Variants in CCDC15 observed in about 807,000 individuals in gnomAD.
CCDC15 encodes coiled-coil domain containing 15.
In CCDC15, 105 loss-of-function variants were observed where a neutral mutation model predicts 114.5. The ratio of observed to expected loss-of-function variants is 0.92; its 90% CI spans 0.78 to 1.08. The LOEUF (loss-of-function observed/expected upper bound fraction) is 1.08, where lower values mean the gene tolerates loss of function less well. Among genes scored for constraint, CCDC15 ranks in the 50% least tolerant of loss-of-function variants. The pLI is 0.00. For synonymous variants in CCDC15, 334 were observed against 377.8 expected, an observed-to-expected ratio of 0.88 and a Z score of 1.34; for missense variants, 1,105 against 1,093.6, an observed-to-expected ratio of 1.01 and a Z score of -0.15.
intron 11 of CCDC15, among the ~76,000 whole-genome samples, chr11:124,997,245 T>C (rs879776272): frequency 6.6e-6 from 1 of 151,974 alleles, no homozygotes; most frequent in Admixed American, 6.6e-5. Flanking sequence ...TGGATAGAGG[T>C]GAAGAATTTT....
At chr11:125,013,039 C>T (rs1948605321) in intron 13 of CCDC15, among the ~76,000 whole-genome samples, 1 of 152,018 alleles carries the variant, frequency 6.6e-6, no homozygotes, top group Non-Finnish European at 1.5e-5. Flanking sequence ...ATGTAAAGTA[C>T]TTAACATTGT....
intron 13 of CCDC15, among the ~76,000 whole-genome samples, chr11:125,007,065 A>T (rs1487903555): frequency 1.3e-5 from 2 of 152,228 alleles, no homozygotes; most frequent in Non-Finnish European, 2.9e-5. Context: ...GATACCTGTC[A>T]TCTCAAACAT....
intron 13 of CCDC15, among the ~76,000 whole-genome samples, chr11:125,006,940 AT>A (rs2135520039): frequency 6.6e-6 from 1 of 152,210 alleles, no homozygotes; most frequent in Admixed American, 6.5e-5. Context: ...TTACTTACAT[AT>A]TTTTATTGAT....
rs770041109 is a variant in CCDC15, at chr11:125,003,867, G to A, written c.2215G>A (p.Ala739Thr). The A allele has an allele frequency of 6.5e-7, 1 of 1,549,702 alleles. No individual in the cohort carries two copies. The highest frequency in any genetic ancestry group is 2.4e-5 in the East Asian group (1 of 41,808). ...ARGNTPGVPL[A>T]YDRYQSGLST... Reference sequence around the variant, plus strand: ...TTGTGTGACTGGACCTTCTTAACAGGCTTATGATAGGTATCAATCAGGATT... The same window carrying A: ...TTGTGTGACTGGACCTTCTTAACAGACTTATGATAGGTATCAATCAGGATT... Residue 739 changes from alanine to threonine, a missense_variant and splice_region_variant, in exon 12 of 16, where the codon GCT becomes ACT. Transcript: ENST00000344762.
chr11:124,977,870 CTTTTA>C (rs757293339), intron 6 of CCDC15, among the ~76,000 whole-genome samples: 5 of 151,886 alleles, frequency 3.3e-5, no homozygotes, highest in African/African-American at 7.3e-5. Context: ...TTTAAAATAA[CTTTTA>C]TTTTAGGTTC....
intron 8 of CCDC15, among the ~76,000 whole-genome samples, chr11:124,989,579 A>G (rs907711172): frequency 1.3e-5 from 2 of 152,172 alleles, no homozygotes; most frequent in African/African-American, 2.4e-5. Context: ...TCTTCTTCCA[A>G]TATAAGGCTG....
chr11:124,959,298 A>T (rs771886663), intron 3 of CCDC15, 34 bp downstream of exon 3: 1 of 1,514,862 alleles, frequency 6.6e-7, no homozygotes, highest in South Asian at 1.3e-5. Context: ...TAAAGATTGA[A>T]TGGAAAATAT....
intron 12 of CCDC15, among the ~76,000 whole-genome samples, chr11:125,004,566 A>C (rs574844213): frequency 1.3e-5 from 2 of 152,120 alleles, no homozygotes; most frequent in African/African-American, 4.8e-5. Flanking sequence ...TTGTGTATTT[A>C]AAAGAGTATA....
rs1178505716 is a variant in CCDC15, at chr11:125,040,649, A to G, written c.2794A>G (p.Thr932Ala). The G allele has an allele frequency of 3.7e-6, 6 of 1,611,852 alleles. No individual in the cohort carries two copies. Among genetic ancestry groups the G allele is most frequent in the Non-Finnish European group, 5.1e-6 (6 of 1,178,882 alleles). ...NSCDVPGGNS[T>A]LRVAIHNFAS... ...CTGTGATGTCCCTGGGGGTAATTCAACTCTTCGAGTCGCAATTCATAATTT... is the reference window on the plus strand; with the variant it reads ...CTGTGATGTCCCTGGGGGTAATTCAGCTCTTCGAGTCGCAATTCATAATTT... The change falls in exon 16 of 16, where the codon ACT becomes GCT. Residue 932 changes from threonine to alanine, a missense_variant. Transcript: ENST00000344762.
At chr11:125,034,736 G>A (rs915991549) in intron 13 of CCDC15, among the ~76,000 whole-genome samples, 1 of 151,524 alleles carries the variant, frequency 6.6e-6, no homozygotes, top group African/African-American at 2.4e-5. Flanking sequence ...AGGGACCATA[G>A]TGTTCTCCAT....
At chr11:124,971,487 C>G (rs1947880553) in intron 4 of CCDC15, among the ~76,000 whole-genome samples, 1 of 152,128 alleles carries the variant, frequency 6.6e-6, no homozygotes, top group Non-Finnish European at 1.5e-5. Context: ...CTGCTCCAAG[C>G]TAAAATTTAG....
intron 11 of CCDC15, among the ~76,000 whole-genome samples, chr11:125,001,939 C>T (rs1457293263): frequency 2.0e-5 from 3 of 151,928 alleles, no homozygotes; most frequent in African/African-American, 4.8e-5. Context: ...ATTGGTGGAA[C>T]GTATGATAAC....
chr11:124,954,728 C>A lies in CCDC15; in HGVS notation c.-5C>A. Reference sequence around the variant, plus strand: ...CTTTTTCTTTCTCCTAATCAGGAGTCACAGATGCTGGGAAGTATGGCCCGA... The same window carrying A: ...CTTTTTCTTTCTCCTAATCAGGAGTAACAGATGCTGGGAAGTATGGCCCGA... On this transcript the variant is annotated 5_prime_UTR_variant, in exon 2 of 16. Transcript: ENST00000344762. The A allele has an allele frequency of 1.2e-6, 2 of 1,613,544 alleles. No individual in the cohort carries two copies. Among genetic ancestry groups the A allele is most frequent in the South Asian group, 2.2e-5 (2 of 91,048 alleles).
At chr11:124,981,703 T>C (rs932350652) in intron 6 of CCDC15, among the ~76,000 whole-genome samples, 6 of 152,330 alleles carry the variant, frequency 3.9e-5, no homozygotes, top group Admixed American at 1.3e-4. Context: ...CACTGCAGCC[T>C]CTGCCTCCTG....
At chr11:124,995,523 A>G (rs1383502665) in intron 11 of CCDC15, among the ~76,000 whole-genome samples, 1 of 152,170 alleles carries the variant, frequency 6.6e-6, no homozygotes, top group Non-Finnish European at 1.5e-5. Context: ...GTGTTAGTTG[A>G]TCAGTCAAAC....
At chr11:124,957,009 G>A (rs1320396343) in intron 2 of CCDC15, among the ~76,000 whole-genome samples, 2 of 152,122 alleles carry the variant, frequency 1.3e-5, no homozygotes, top group Admixed American at 1.3e-4. Flanking sequence ...TAATAAATTA[G>A]CATCAAAAGA....
chr11:124,997,696 C>T (rs770200232), intron 11 of CCDC15, among the ~76,000 whole-genome samples: 4 of 152,164 alleles, frequency 2.6e-5, no homozygotes, highest in Non-Finnish European at 2.9e-5. Context: ...AATCCCAGCA[C>T]TTTGGGAGGC....
rs1158713048 is a variant in CCDC15, at chr11:124,959,160, A to G, written c.223A>G (p.Lys75Glu). The change falls in exon 3 of 16, where the codon AAA (lysine) becomes GAA (glutamate). Residue 75 changes from lysine (K) to glutamate (E), a missense_variant. Transcript: ENST00000344762. ...IEEELKEQLR[K>E]KQEALKHFQK... Reference sequence around the variant, plus strand: ...AGAAGAACTAAAGGAACAGCTAAGAAAAAAACAAGAAGCTTTGAAACATTT... The same window carrying G: ...AGAAGAACTAAAGGAACAGCTAAGAGAAAAACAAGAAGCTTTGAAACATTT... 5.0e-6 allele frequency: 8 copies of G among 1,590,684 alleles called. No homozygotes were observed. Among genetic ancestry groups the G allele is most frequent in the Middle Eastern group, 1.7e-4 (1 of 5,816 alleles).
intron 4 of CCDC15, among the ~76,000 whole-genome samples, chr11:124,964,786 A>G (rs2135438696): frequency 6.6e-6 from 1 of 152,334 alleles, no homozygotes; most frequent in South Asian, 2.1e-4. Flanking sequence ...TTTGTCATAA[A>G]TAGCTCTTAT....
Sources: allele counts gnomAD v4.1 joint callset (sites outside exome capture counted in the v4.1 genomes callset), GRCh38; gene constraint gnomAD v4.1.1; transcripts MANE v1.5; gene names NCBI Gene and HGNC (gene_info 2026-07-23, HGNC 2026-07-21).